Variants in SLC41A2 observed in about 807,000 individuals in gnomAD.
SLC41A2 encodes solute carrier family 41 member 2.
In SLC41A2, 32 loss-of-function variants were observed where a neutral mutation model predicts 58.3. That is an observed-to-expected ratio of 0.55 (90% CI 0.41 to 0.74). The LOEUF is 0.74. SLC41A2 is among the 30% of genes least tolerant of loss of function. The pLI, the probability that SLC41A2 is intolerant of heterozygous loss-of-function variation, is 0.00. For missense variants in SLC41A2, 514 were observed against 680.6 expected, an observed-to-expected ratio of 0.76 and a Z score of 2.72; for synonymous variants, 190 against 235.0, an observed-to-expected ratio of 0.81 and a Z score of 1.75.
chr12:104,928,423 G>A lies in SLC41A2; in HGVS notation c.105C>T (p.Ser35=), dbSNP rs373895578. The part of the protein sequence containing the change: ...DWTLRLNTIQ[S]DKFLNLLLSM... ...TCAAGAGTAAATTTAAAAACTTGTC[G>A]GATTGAATTGTGTTTAAACGTAAAG... is the stretch of plus-strand genomic sequence containing the variant. Residue 35 remains serine (S), a synonymous_variant, in exon 2 of 11, where the codon TCC becomes TCT. Coordinates refer to ENST00000258538, the MANE Select transcript of SLC41A2 (RefSeq NM_001352171.3). The A allele has an allele frequency of 2.9e-5, 45 of 1,553,868 alleles. No individual in the cohort carries two copies. The highest frequency in any genetic ancestry group is 2.6e-4 in the South Asian group (22 of 84,542).
At chr12:104,950,084 A>G (rs1420323911) in intron 1 of SLC41A2, among the ~76,000 whole-genome samples, 1 of 152,202 alleles carries the variant, frequency 6.6e-6, no homozygotes, top group Non-Finnish European at 1.5e-5. Flanking sequence ...ATGCCTGACT[A>G]TGGGGCTTAG....
chr12:104,826,248 T>G (rs1839833347), intron 10 of SLC41A2, among the ~76,000 whole-genome samples: 2 of 152,180 alleles, frequency 1.3e-5, no homozygotes, highest in South Asian at 4.1e-4. Context: ...CACAAAGGTT[T>G]GGCCAAATTA....
intron 3 of SLC41A2, among the ~76,000 whole-genome samples, chr12:104,905,985 G>A (rs983816459): frequency 3.3e-5 from 5 of 152,238 alleles, no homozygotes; most frequent in African/African-American, 9.6e-5. Context: ...GGACTGAAGG[G>A]CTCCTCTAAT....
At chr12:104,834,503 C>G (rs548146029) in intron 10 of SLC41A2, among the ~76,000 whole-genome samples, 8 of 152,106 alleles carry the variant, frequency 5.3e-5, no homozygotes, top group African/African-American at 1.9e-4. Context: ...GAGACAGAGG[C>G]AGAACAGTCA....
rs1469532086 is a variant in SLC41A2, at chr12:104,895,254, C to CA, written c.735+19dup. 2 of 1,591,598 alleles carry CA rather than the reference C, an allele frequency of 1.3e-6. No individual in the cohort carries two copies. The highest frequency in any genetic ancestry group is 1.7e-6 in the Non-Finnish European group (2 of 1,162,848). ...AATTTGTACACCCAAGATCTGTAAA[C>CA]AAATATGTGTACCACTTACCTGCTT... On this transcript the variant is annotated intron_variant, in intron 4 of 10. Coordinates refer to ENST00000258538, the MANE Select transcript of SLC41A2 (RefSeq NM_001352171.3).
chr12:104,905,792 G>A (rs1454120861), intron 3 of SLC41A2, among the ~76,000 whole-genome samples: 3 of 152,250 alleles, frequency 2.0e-5, no homozygotes, highest in Non-Finnish European at 4.4e-5. Flanking sequence ...CAGCAGGGCT[G>A]GCTGGCTGCT....
chr12:104,844,594 G>T lies in SLC41A2; in HGVS notation c.1414C>A (p.Leu472Ile). ...PGVNNKSAQV[L>I]LLLVIPGHLI... ...TGTCCAGGAATCACTAAAAGCAGTA[G>T]AACTTGAGCAGACTTATTATTTACT... is the stretch of plus-strand genomic sequence containing the variant. The change falls in exon 10 of 11, where the codon CTA becomes ATA. Residue 472 changes from leucine to isoleucine, a missense_variant. Leu to Ile is a conservative substitution (Grantham distance 5). Transcript: ENST00000258538. 6.5e-7 allele frequency: 1 copy of T among 1,546,106 alleles called. No homozygotes were observed. The highest frequency in any genetic ancestry group is 2.3e-5 in the East Asian group (1 of 42,564).
chr12:104,808,082 G>A (rs2040998837), intron 10 of SLC41A2, among the ~76,000 whole-genome samples: 1 of 152,072 alleles, frequency 6.6e-6, no homozygotes, highest in Non-Finnish European at 1.5e-5. Context: ...TGATTGCCCT[G>A]GCCAGAACTT....
chr12:104,831,267 T>C (rs1179556914), intron 10 of SLC41A2, among the ~76,000 whole-genome samples: 1 of 151,950 alleles, frequency 6.6e-6, no homozygotes, highest in Non-Finnish European at 1.5e-5. Context: ...AGAGACTGGG[T>C]CTCCCCATGT....
intron 6 of SLC41A2, among the ~76,000 whole-genome samples, chr12:104,880,945 T>C (rs2044337418): frequency 1.3e-5 from 2 of 152,226 alleles, no homozygotes; most frequent in South Asian, 4.1e-4. Context: ...CGTCTGGTCC[T>C]GGACTTTTTT....
chr12:104,864,585 T>C (rs920191297), intron 7 of SLC41A2, among the ~76,000 whole-genome samples: 1 of 152,124 alleles, frequency 6.6e-6, no homozygotes, highest in Non-Finnish European at 1.5e-5. Flanking sequence ...CTCATGTTTT[T>C]CAGTTCTGGG....
At chr12:104,892,117 T>C (rs944746013) in intron 4 of SLC41A2, among the ~76,000 whole-genome samples, 1 of 151,814 alleles carries the variant, frequency 6.6e-6, no homozygotes, top group African/African-American at 2.4e-5. Flanking sequence ...CTGGCTAACA[T>C]GGTGAAACCC....
At chr12:104,828,185 C>G (rs1277192869) in intron 10 of SLC41A2, among the ~76,000 whole-genome samples, 1 of 152,162 alleles carries the variant, frequency 6.6e-6, no homozygotes, top group Non-Finnish European at 1.5e-5. Context: ...CACCGACAGG[C>G]ACCGGCATGC....
In SLC41A2 at chr12:104,927,962, T is replaced by A. The variant is rs763063473; in HGVS notation, c.555+11A>T. 9.7e-6 allele frequency: 15 copies of A among 1,539,026 alleles called. No individual in the cohort carries two copies. The highest frequency in any genetic ancestry group is 9.6e-6 in the Non-Finnish European group (11 of 1,144,954). ...AAAAGACAGTAAAGTTAAATAAAGA[T>A]GAAAACCCACCTGTACTATATCCAG... On this transcript the variant is annotated intron_variant, in intron 2 of 10. Transcript: ENST00000258538.
At chr12:104,892,879 A>T (rs528286941) in intron 4 of SLC41A2, among the ~76,000 whole-genome samples, 54 of 152,282 alleles carry the variant, frequency 3.5e-4, no homozygotes, top group Admixed American at 9.2e-4. Flanking sequence ...TGAATCTAAG[A>T]CCTCAAACTA....
At chr12:104,827,221 A>T (rs1468297446) in intron 10 of SLC41A2, among the ~76,000 whole-genome samples, 4 of 152,202 alleles carry the variant, frequency 2.6e-5, no homozygotes, top group African/African-American at 9.6e-5. Context: ...TAAATTTATT[A>T]TTCAGGCAGC....
Position 104,805,210 on chromosome 12 carries a change from G to A in SLC41A2, c.1664C>T (p.Ala555Val), listed in dbSNP as rs956622290. The stretch of plus-strand genomic sequence containing the variant: ...AAGCCAAAGAAAATGAAAACTTAAG[G>A]CTAACAGAGCTGTCCCGAGCAGATC... The part of the protein sequence containing the change: ...LGDLLGTALL[A>V]LSFHFLWLIG... Residue 555 changes from alanine to valine, a missense_variant, in exon 11 of 11, where the codon GCC (alanine) becomes GTC (valine). Transcript: ENST00000258538. 3 of 1,613,638 alleles carry A rather than the reference G, an allele frequency of 1.9e-6. No individual in the cohort carries two copies. Among genetic ancestry groups the A allele is most frequent in the Non-Finnish European group, 2.5e-6 (3 of 1,179,704 alleles).
intron 7 of SLC41A2, among the ~76,000 whole-genome samples, chr12:104,865,039 T>C (rs1421026918): frequency 6.6e-6 from 1 of 152,146 alleles, no homozygotes; most frequent in Non-Finnish European, 1.5e-5. Flanking sequence ...GGGCAGAGTT[T>C]GTCAGCAAGT....
At chr12:104,905,747 C>G (rs1486179123) in intron 3 of SLC41A2, among the ~76,000 whole-genome samples, 1 of 152,272 alleles carries the variant, frequency 6.6e-6, no homozygotes, top group Admixed American at 6.5e-5. Flanking sequence ...TCCGCAGCCA[C>G]TGGCCCGGGT....
Sources: gnomAD v4.1 joint callset for allele counts (sites outside exome capture counted in the v4.1 genomes callset) on GRCh38, gnomAD v4.1.1 for gene constraint, MANE v1.5 for transcripts, NCBI Gene and HGNC (gene_info 2026-07-23, HGNC 2026-07-21) for gene names.